Variants in IMMP2L observed in about 807,000 individuals in gnomAD.
IMMP2L encodes the protein inner mitochondrial membrane peptidase subunit 2.
Under a neutral mutation model 19.3 loss-of-function variants are expected in IMMP2L, and 18 were observed. The observed-to-expected ratio is 0.93, with a 90% CI of 0.64 to 1.38. The LOEUF (loss-of-function observed/expected upper bound fraction) is 1.38. Among genes scored for constraint, IMMP2L ranks in the 40% most tolerant of loss-of-function variants. The pLI is 0.00. For synonymous variants in IMMP2L, 76 were observed against 73.0 expected (o/e 1.04, Z -0.21); for missense variants, 233 against 218.2 (o/e 1.07, Z -0.43).
At chr7:110,665,558 T>A (rs1259695404) in intron 5 of IMMP2L, among the ~76,000 whole-genome samples, 1 of 152,182 alleles carries the variant, frequency 6.6e-6, no homozygotes, top group Non-Finnish European at 1.5e-5. Flanking sequence ...CATATTGCAT[T>A]TGGTGGTCAT....
rs182445083 is a variant in IMMP2L at position 110,681,859 on chromosome 7, A to G, written c.409-18138T>C. On this transcript the variant is annotated intron_variant, in intron 5 of 5. Transcript: ENST00000405709. ...AGCCATTGAAGGATCAGGAAGAGAG[A>G]CAGGTTCTCATTGGGGAAACGACCT... 4.6e-5 allele frequency among the ~76,000 whole-genome samples: 7 copies of G among 152,258 alleles called. No homozygotes were observed. The East Asian group carries it at 1.4e-3, about 30-fold the overall frequency.
At chr7:111,079,178 C>T (rs1012142610) in intron 3 of IMMP2L, among the ~76,000 whole-genome samples, 110 of 148,708 alleles carry the variant, frequency 7.4e-4, no homozygotes, top group African/African-American at 2.5e-3. Context: ...AGTGCAGTGG[C>T]GGGATCTCGG....
chr7:111,165,853 C>A (rs1246471318), intron 3 of IMMP2L, among the ~76,000 whole-genome samples: 1 of 151,970 alleles, frequency 6.6e-6, no homozygotes, highest in East Asian at 1.9e-4. Context: ...AAGCCCCCGG[C>A]AAGTTATCAG....
At chr7:110,771,441 C>T (rs1195483625) in intron 5 of IMMP2L, among the ~76,000 whole-genome samples, 2 of 152,130 alleles carry the variant, frequency 1.3e-5, no homozygotes, top group Non-Finnish European at 1.5e-5. Context: ...GCTACTGGAG[C>T]AGGGTGGTTG....
intron 3 of IMMP2L, among the ~76,000 whole-genome samples, chr7:111,037,130 G>C (rs1189011066): frequency 6.6e-6 from 1 of 152,106 alleles, no homozygotes; most frequent in African/African-American, 2.4e-5. Flanking sequence ...TCATTACACT[G>C]TTGTGCTATA....
chr7:111,074,528 C>T (rs1164211192), intron 3 of IMMP2L, among the ~76,000 whole-genome samples: 1 of 152,144 alleles, frequency 6.6e-6, no homozygotes, highest in Non-Finnish European at 1.5e-5. Flanking sequence ...CATATTTCTG[C>T]CTAAATACTT....
At chr7:111,101,346 C>G (rs1797955580) in intron 3 of IMMP2L, among the ~76,000 whole-genome samples, 2 of 151,360 alleles carry the variant, frequency 1.3e-5, no homozygotes, top group Non-Finnish European at 3.0e-5. Flanking sequence ...TAAGATACAA[C>G]AAGCAGAATC....
At chr7:111,117,670 A>G (rs1001155761) in intron 3 of IMMP2L, among the ~76,000 whole-genome samples, 1 of 152,128 alleles carries the variant, frequency 6.6e-6, no homozygotes, top group African/African-American at 2.4e-5. Context: ...ACCTTCAATT[A>G]GAACTAAAGA....
At chr7:111,465,681 G>A (rs1440434387) in intron 3 of IMMP2L, among the ~76,000 whole-genome samples, 3 of 152,034 alleles carry the variant, frequency 2.0e-5, no homozygotes, top group Admixed American at 2.0e-4. Flanking sequence ...AACAACAGGT[G>A]CTGGAGAGGA....
chr7:111,335,865 A>G (rs1383695891), intron 3 of IMMP2L, among the ~76,000 whole-genome samples: 1 of 152,146 alleles, frequency 6.6e-6, no homozygotes, highest in Non-Finnish European at 1.5e-5. Context: ...TTTCATGGAA[A>G]TACACAGGAA....
At chr7:111,133,786 A>G (rs888034957) in intron 3 of IMMP2L, among the ~76,000 whole-genome samples, 14 of 152,028 alleles carry the variant, frequency 9.2e-5, no homozygotes, top group African/African-American at 3.1e-4. Context: ...GGCACACTCT[A>G]TACTCCACCC....
At chr7:111,160,336 C>G (rs1023461499) in intron 3 of IMMP2L, among the ~76,000 whole-genome samples, 1 of 151,966 alleles carries the variant, frequency 6.6e-6, no homozygotes, top group Non-Finnish European at 1.5e-5. Context: ...CACTAACAAA[C>G]CTTTGAGCAG....
chr7:111,279,856 T>G (rs1048581590), intron 3 of IMMP2L, among the ~76,000 whole-genome samples: 1 of 152,118 alleles, frequency 6.6e-6, no homozygotes, highest in African/African-American at 2.4e-5. Flanking sequence ...ATTTCGGGCT[T>G]TTAATGCATT....
intron 3 of IMMP2L, among the ~76,000 whole-genome samples, chr7:111,356,573 C>A (rs1828721490): frequency 6.6e-6 from 1 of 152,068 alleles, no homozygotes; most frequent in Non-Finnish European, 1.5e-5. Context: ...AACGTTAAAT[C>A]CCAATTGTAC....
At chr7:111,008,768 A>T (rs1824587028) in intron 3 of IMMP2L, among the ~76,000 whole-genome samples, 1 of 152,082 alleles carries the variant, frequency 6.6e-6, no homozygotes, top group African/African-American at 2.4e-5. Context: ...TATTTGTTGT[A>T]TGAGTAGTGA....
At chr7:110,766,155 C>T (rs746441821) in intron 5 of IMMP2L, among the ~76,000 whole-genome samples, 1 of 152,106 alleles carries the variant, frequency 6.6e-6, no homozygotes, top group Non-Finnish European at 1.5e-5. Context: ...TTACACATTT[C>T]CAAATAACAT....
chr7:111,341,173 G>A (rs955587156), intron 3 of IMMP2L, among the ~76,000 whole-genome samples: 6 of 152,130 alleles, frequency 3.9e-5, no homozygotes, highest in South Asian at 2.1e-4. Flanking sequence ...GTAATAATTC[G>A]TCTACTAATC....
chr7:111,335,046 A>G (rs920985726), intron 3 of IMMP2L, among the ~76,000 whole-genome samples: 2 of 152,090 alleles, frequency 1.3e-5, no homozygotes, highest in Admixed American at 1.3e-4. Flanking sequence ...TTTATAGGCC[A>G]AGTCCCATAA....
intron 3 of IMMP2L, among the ~76,000 whole-genome samples, chr7:111,092,168 C>T (rs747423049): frequency 1.3e-5 from 2 of 152,188 alleles, no homozygotes; most frequent in Non-Finnish European, 2.9e-5. Flanking sequence ...CCTTTAATAA[C>T]ATCCCCTCGC....
Sources: gnomAD v4.1 joint callset for allele counts (sites outside exome capture counted in the v4.1 genomes callset) on GRCh38, gnomAD v4.1.1 for gene constraint, MANE v1.5 for transcripts, NCBI Gene and HGNC (gene_info 2026-07-23, HGNC 2026-07-21) for gene names.